Variants in GRB10 observed in about 807,000 individuals in gnomAD.
The protein encoded by GRB10 is growth factor receptor-bound protein 10.
Under a neutral mutation model 80.9 loss-of-function variants are expected in GRB10, and 20 were observed. The observed-to-expected ratio is 0.25, with a 90% CI of 0.17 to 0.36. The LOEUF is 0.36. Ranked by LOEUF, GRB10 falls within the 10% of genes least tolerant of loss-of-function variation. The probability of loss-of-function intolerance (pLI) is 1.00; values close to 1 mark genes in which losing one functional copy is unlikely to be tolerated. For synonymous variants in GRB10, 291 were observed against 291.5 expected, an observed-to-expected ratio of 1.00 and a Z score of 0.02; for missense variants, 548 against 747.7, an observed-to-expected ratio of 0.73 and a Z score of 3.12.
At position 50,702,854 on chromosome 7, in the gene GRB10, C is replaced by T. The variant is rs145699632; in HGVS notation, c.139+967G>A. ...CTTTCAGTGTAATTTTTTCTGGTTT[C>T]CTAATTCAAGTATTAACCTAAGTTT... On this transcript the variant is annotated intron_variant, in intron 5 of 18. Transcript: ENST00000401949. Among the ~76,000 whole-genome samples, 305 of 152,324 alleles carry T rather than the reference C, an allele frequency of 2.0e-3. 1 individual carries two copies. Among genetic ancestry groups the T allele is most frequent in the African/African-American group, 7.1e-3 (295 of 41,564 alleles).
chr7:50,631,027 A>C (rs1158102063), intron 7 of GRB10, among the ~76,000 whole-genome samples: 4 of 152,106 alleles, frequency 2.6e-5, no homozygotes, highest in African/African-American at 9.7e-5. Flanking sequence ...CACGGCCCCA[A>C]ACTCCACTCT....
At chr7:50,668,149 T>C (rs536214870) in intron 7 of GRB10, among the ~76,000 whole-genome samples, 7 of 152,276 alleles carry the variant, frequency 4.6e-5, no homozygotes, top group Non-Finnish European at 8.8e-5. Flanking sequence ...AGTGCCATAA[T>C]GCAGCCTGCT....
At chr7:50,702,073 G>A (rs754056258) in intron 5 of GRB10, among the ~76,000 whole-genome samples, 3 of 152,134 alleles carry the variant, frequency 2.0e-5, no homozygotes, top group South Asian at 2.1e-4. Context: ...TGGTCAAGTC[G>A]GGACAGTCTG....
At chr7:50,788,599 C>G (rs549053813) in intron 1 of GRB10, among the ~76,000 whole-genome samples, 1 of 152,338 alleles carries the variant, frequency 6.6e-6, no homozygotes, top group South Asian at 2.1e-4. Flanking sequence ...AGGACCAACA[C>G]ACGCCAAAGT....
intron 7 of GRB10, among the ~76,000 whole-genome samples, chr7:50,631,038 G>A (rs766478281): frequency 1.4e-4 from 22 of 152,254 alleles, no homozygotes; most frequent in Non-Finnish European, 3.1e-4. Context: ...ACTCCACTCT[G>A]GGGCACCTGG....
chr7:50,784,160 GCGCAC>G (rs902117766), upstream of GRB10, among the ~76,000 whole-genome samples: 38 of 152,332 alleles, frequency 2.5e-4, no homozygotes, highest in Middle Eastern at 0.01. Flanking sequence ...GACTCTAACT[GCGCAC>G]CCCTCAGAGA....
intron 8 of GRB10, among the ~76,000 whole-genome samples, chr7:50,625,974 C>A (rs2052802219): frequency 6.6e-6 from 1 of 152,154 alleles, no homozygotes; most frequent in South Asian, 2.1e-4. Flanking sequence ...TGGGAAGTTT[C>A]CAATCTGTGT....
chr7:50,695,865 G>A (rs541715699), intron 5 of GRB10, among the ~76,000 whole-genome samples: 3 of 151,804 alleles, frequency 2.0e-5, no homozygotes, highest in South Asian at 4.2e-4. Context: ...AATATTACAA[G>A]GTGAATAAAA....
At chr7:50,699,397 T>C (rs7458787) in intron 5 of GRB10, among the ~76,000 whole-genome samples, 28,161 of 152,230 alleles carry the variant, frequency 0.18, 3,060 homozygotes, top group African/African-American at 0.28. Context: ...AACAAATGAA[T>C]TTTAACAAGT....
upstream of GRB10, among the ~76,000 whole-genome samples, chr7:50,784,154 C>CT (rs1288322207): frequency 6.6e-6 from 1 of 152,216 alleles, no homozygotes; most frequent in East Asian, 1.9e-4. Context: ...GCTTTTGACT[C>CT]TAACTGCGCA....
At chr7:50,752,513 A>G (rs977893277) in intron 3 of GRB10, among the ~76,000 whole-genome samples, 1 of 152,214 alleles carries the variant, frequency 6.6e-6, no homozygotes, top group Admixed American at 6.5e-5. Context: ...ATAAATGGGA[A>G]AGAACCATGC....
Position 50,703,875 on chromosome 7 carries a change from C to G in GRB10, c.85G>C (p.Asp29His). 6.2e-7 allele frequency: 1 copy of G among 1,613,448 alleles called. No individual in the cohort carries two copies. Reference protein sequence around the residue: ...KVEQTPRSQQDPAGPGLPAQS... With the variant: ...KVEQTPRSQQHPAGPGLPAQS... ...GCGGGGAGTCCTGGTCCTGCCGGGTCTTGTTGACTGCGAGGTGTCTGCTCC... is the reference window on the plus strand; with the variant it reads ...GCGGGGAGTCCTGGTCCTGCCGGGTGTTGTTGACTGCGAGGTGTCTGCTCC... Residue 29 changes from aspartate to histidine, a missense_variant, in exon 5 of 19, where the codon GAC (aspartate) becomes CAC (histidine). By Grantham distance (81) the Asp-to-His change is moderately conservative. Transcript: ENST00000401949.
intron 2 of GRB10, among the ~76,000 whole-genome samples, chr7:50,780,391 T>A (rs2078159009): frequency 6.6e-6 from 1 of 152,168 alleles, no homozygotes; most frequent in Non-Finnish European, 1.5e-5. Context: ...TCCACAGGAC[T>A]CATACTGCCT....
chr7:50,635,281 CTTTTGGGTAAACAA>C (rs1298790970), intron 7 of GRB10, among the ~76,000 whole-genome samples: 1 of 152,130 alleles, frequency 6.6e-6, no homozygotes, highest in Non-Finnish European at 1.5e-5. Flanking sequence ...TCCTGAATGA[CTTTTGGGTAAACAA>C]TGAACTTAAG....
chr7:50,750,838 C>G (rs1372035543), intron 3 of GRB10, among the ~76,000 whole-genome samples: 1 of 152,188 alleles, frequency 6.6e-6, no homozygotes, highest in African/African-American at 2.4e-5. Context: ...CACTCATCTC[C>G]TGGGTCCCCA....
At chr7:50,605,245 C>G in intron 15 of GRB10, 45 bp downstream of exon 15, 1 of 1,443,604 alleles carries the variant, frequency 6.9e-7, no homozygotes, top group Non-Finnish European at 9.7e-7. Flanking sequence ...GTGGGGCTAC[C>G]ACCTTGAGGG....
intron 6 of GRB10, among the ~76,000 whole-genome samples, chr7:50,673,890 G>T (rs886172811): frequency 6.6e-6 from 1 of 152,158 alleles, no homozygotes; most frequent in African/African-American, 2.4e-5. Flanking sequence ...CATCCGTTCA[G>T]AAATCCTACC....
chr7:50,779,377 T>A (rs2078045530), intron 2 of GRB10: 1 of 152,214 alleles, frequency 6.6e-6, no homozygotes, highest in Admixed American at 6.5e-5. Flanking sequence ...GTTGTGGTAT[T>A]TTCAGACATT....
At chr7:50,662,074 C>G (rs1250752336) in intron 7 of GRB10, among the ~76,000 whole-genome samples, 2 of 152,250 alleles carry the variant, frequency 1.3e-5, no homozygotes, top group Non-Finnish European at 2.9e-5. Flanking sequence ...CTCCCCACAT[C>G]TCAGCAGCTG....
Sources: allele counts gnomAD v4.1 joint callset (sites outside exome capture counted in the v4.1 genomes callset), GRCh38; gene constraint gnomAD v4.1.1; transcripts MANE v1.5; gene names NCBI Gene and HGNC (gene_info 2026-07-23, HGNC 2026-07-21).